The following MRLN variants were observed in gnomAD, a reference collection of about 807,000 sequenced individuals.
MRLN encodes the protein myoregulin.
Position 59,744,242 on chromosome 10 carries a change from T to C in MRLN, c.-124-5680A>G, listed in dbSNP as rs568083289. 4.0e-3 allele frequency: 625 copies of C among 155,730 alleles called. 7 individuals carry two copies. Among genetic ancestry groups the C allele is most frequent in the African/African-American group, 0.014 (568 of 40,530 alleles). 9.6% of individuals were successfully genotyped at this position (155,730 alleles called of 1,614,324 possible). A position where few individuals can be genotyped will look rare whatever the true frequency, so the allele number is the denominator to read the frequency against. ...GGAGCGTCTCTGCCCGGCCACCCAT[T>C]GTCTAGGATGTGGGGAGCGCCTCTG... On this transcript the variant is annotated intron_variant, in intron 1 of 2. Coordinates refer to ENST00000414264, the MANE Select transcript of MRLN (RefSeq NM_001304731.2).
intron 1 of MRLN, 59 bp from the exon 2 acceptor site, chr10:59,738,621 G>A (rs936013415): frequency 6.6e-6 from 1 of 152,060 alleles, no homozygotes; most frequent in South Asian, 2.1e-4. Flanking sequence ...GGAAGTGGAG[G>A]GGCAGGGAGC....
intron 1 of MRLN, among the ~76,000 whole-genome samples, chr10:59,742,757 C>T (rs1840998405): frequency 6.6e-6 from 1 of 151,238 alleles, no homozygotes. Context: ...TTTCGAGAGT[C>T]TCACTCTGTA....
rs7087833 is a variant in MRLN, at chr10:59,737,690, C to T, written c.-20-470G>A. 4.1e-3 allele frequency among the ~76,000 whole-genome samples: 615 copies of T among 151,276 alleles called. 7 individuals are homozygous for T. The highest frequency in any genetic ancestry group is 0.013 in the African/African-American group (556 of 41,230). On this transcript the variant is annotated intron_variant, in intron 2 of 2. Transcript: ENST00000414264. Reference sequence around the variant, plus strand: ...AAAGGTATTTTTCTTTCCTCAAGATCCTGTCTGTCATGTTTTGGTTACTTA... The same window carrying T: ...AAAGGTATTTTTCTTTCCTCAAGATTCTGTCTGTCATGTTTTGGTTACTTA...
At chr10:59,738,704 AAT>A (rs1840949139) in intron 1 of MRLN, 142 bp from the exon 2 acceptor site, 1 of 152,268 alleles carries the variant, frequency 6.6e-6, no homozygotes, top group Non-Finnish European at 1.5e-5. Context: ...AACTTTTGAA[AAT>A]ATGACACTTT....
At chr10:59,752,976 TC>T (rs1440384290) in intron 1 of MRLN, among the ~76,000 whole-genome samples, 1 of 152,222 alleles carries the variant, frequency 6.6e-6, no homozygotes, top group African/African-American at 2.4e-5. Context: ...GTGAAAATTC[TC>T]TTTGAAATCA....
Position 59,745,119 on chromosome 10 carries a change from A to T in MRLN, c.-124-6557T>A, listed in dbSNP as rs573413782. ...AGAATGATCAATAAATACTAAAAAAAAAATAAAATAAAATAAAAAAAAGAA... is the reference window on the plus strand; with the variant it reads ...AGAATGATCAATAAATACTAAAAAATAAATAAAATAAAATAAAAAAAAGAA... On this transcript the variant is annotated intron_variant, in intron 1 of 2. Coordinates refer to ENST00000414264, the MANE Select transcript of MRLN (RefSeq NM_001304731.2). Among the ~76,000 whole-genome samples, 245 of 149,376 alleles carry T rather than the reference A, an allele frequency of 1.6e-3. 3 individuals carry two copies. The highest frequency in any genetic ancestry group is 5.9e-3 in the African/African-American group (231 of 38,830).
chr10:59,750,995 T>G (rs1841097300), intron 1 of MRLN, among the ~76,000 whole-genome samples: 2 of 152,332 alleles, frequency 1.3e-5, no homozygotes, highest in South Asian at 4.1e-4. Flanking sequence ...TGGGGAAATC[T>G]CTGGACTTTT....
intron 1 of MRLN, among the ~76,000 whole-genome samples, chr10:59,749,808 C>T (rs77082866): frequency 0.017 from 2,523 of 152,232 alleles, 80 homozygotes; most frequent in African/African-American, 0.058. Flanking sequence ...CCTTGCAGCC[C>T]AGCCATGAAG....
intron 1 of MRLN, among the ~76,000 whole-genome samples, chr10:59,740,144 A>G (rs1008115894): frequency 6.6e-6 from 1 of 151,910 alleles, no homozygotes; most frequent in Non-Finnish European, 1.5e-5. Context: ...GTCTTAGTGA[A>G]GTCATAGTTG....
chr10:59,739,074 G>A (rs2132586098), intron 1 of MRLN: 1 of 151,776 alleles, frequency 6.6e-6, no homozygotes, highest in South Asian at 2.1e-4. Flanking sequence ...GGTAAGCCGA[G>A]ATGGTGCCAC....
intron 1 of MRLN, among the ~76,000 whole-genome samples, chr10:59,745,741 T>C (rs1035749738): frequency 5.9e-5 from 9 of 151,892 alleles, no homozygotes; most frequent in Non-Finnish European, 1.0e-4. Context: ...GTTAGACAAA[T>C]GAGAGTAGCA....
chr10:59,748,634 A>G (rs1008989339), intron 1 of MRLN, among the ~76,000 whole-genome samples: 5 of 152,226 alleles, frequency 3.3e-5, no homozygotes, highest in African/African-American at 1.2e-4. Flanking sequence ...TATAGAAAAG[A>G]TATTGGAGCT....
At chr10:59,742,753 G>A (rs1240092629) in intron 1 of MRLN, among the ~76,000 whole-genome samples, 4 of 147,282 alleles carry the variant, frequency 2.7e-5, no homozygotes, top group Non-Finnish European at 5.9e-5. Flanking sequence ...TTTCTTTCGA[G>A]AGTCTCACTC....
At chr10:59,740,048 G>A (rs1356771815) in intron 1 of MRLN, among the ~76,000 whole-genome samples, 3 of 151,148 alleles carry the variant, frequency 2.0e-5, no homozygotes, top group Admixed American at 6.6e-5. Context: ...CTGAGATCGC[G>A]CCACTGCACT....
chr10:59,736,795 C>A lies in MRLN; in HGVS notation c.*265G>T. ...AAAGTGCTGGGATTACAGGTGTGAG[C>A]CACCACACCTGGCTAAAAATCTAGA... On this transcript the variant is annotated 3_prime_UTR_variant, in exon 3 of 3. Transcript: ENST00000414264. 1 of 174,274 alleles carries A rather than the reference C, an allele frequency of 5.7e-6. No individual in the cohort carries two copies. Among genetic ancestry groups the A allele is most frequent in the African/African-American group, 2.3e-5 (1 of 42,716 alleles). The allele number at this position is 174,274 out of a possible 1,614,324, so 10.8% of individuals were successfully genotyped here. A position where few individuals can be genotyped will look rare whatever the true frequency, so the allele number is the denominator to read the frequency against.
At chr10:59,743,944 C>T (rs1028737245) in intron 1 of MRLN, among the ~76,000 whole-genome samples, 1 of 152,210 alleles carries the variant, frequency 6.6e-6, no homozygotes, top group Non-Finnish European at 1.5e-5. Flanking sequence ...GGATTGTAGA[C>T]GGAGTCTGGC....
chr10:59,743,623 A>T (rs115135982), intron 1 of MRLN, among the ~76,000 whole-genome samples: 2,472 of 152,256 alleles, frequency 0.016, 75 homozygotes, highest in African/African-American at 0.057. Context: ...ATTATGAGTC[A>T]CATGGTGCTT....
intron 1 of MRLN, among the ~76,000 whole-genome samples, chr10:59,749,577 T>C (rs6479646): frequency 0.2 from 30,609 of 151,940 alleles, 3,232 homozygotes; most frequent in East Asian, 0.33. Flanking sequence ...ACCTGTAGTC[T>C]CAGCTACTCA....
At chr10:59,752,678 G>T (rs1455600123) in intron 1 of MRLN, among the ~76,000 whole-genome samples, 1 of 152,232 alleles carries the variant, frequency 6.6e-6, no homozygotes, top group Admixed American at 6.5e-5. Context: ...TTTTAACCCT[G>T]CTCAAGAGAA....
Sources: allele counts gnomAD v4.1 joint callset (sites outside exome capture counted in the v4.1 genomes callset), GRCh38; gene constraint gnomAD v4.1.1; transcripts MANE v1.5; gene names NCBI Gene and HGNC (gene_info 2026-07-23, HGNC 2026-07-21).